The following ACACA variants were observed in gnomAD, a reference collection of about 807,000 sequenced individuals.
The protein encoded by ACACA is acetyl-CoA carboxylase 1.
A neutral mutation model predicts 296.1 loss-of-function variants in ACACA; 103 were observed. The observed-to-expected ratio is 0.35, with a 90% CI of 0.30 to 0.41. The LOEUF is 0.41. Among genes scored for constraint, ACACA ranks in the 10% least tolerant of loss-of-function variants. The pLI is 1.00. For synonymous variants in ACACA, 953 were observed against 1,038.6 expected (o/e 0.92, Z 1.58); for missense variants, 1,554 against 2,989.7 (o/e 0.52, Z 11.20).
chr17:37,146,678 C>G (rs1597968647), intron 45 of ACACA, among the ~76,000 whole-genome samples: 1 of 62,766 alleles, frequency 1.6e-5, no homozygotes, highest in Non-Finnish European at 3.1e-5. Flanking sequence ...AAGGGGGGGG[C>G]AGAGGAGGGG....
intron 15 of ACACA, among the ~76,000 whole-genome samples, chr17:37,252,673 A>T (rs542524939): frequency 1.3e-5 from 2 of 152,366 alleles, no homozygotes; most frequent in African/African-American, 4.8e-5. Context: ...CACTTCAAAT[A>T]TACCTCAGGA....
At chr17:37,248,539 T>TA (rs1416795130) in intron 17 of ACACA, 54 bp downstream of exon 17, 18 of 1,362,468 alleles carry the variant, frequency 1.3e-5, no homozygotes, top group Non-Finnish European at 1.8e-5. Context: ...CCTCTCAACC[T>TA]AAAGAAAGAT....
intron 1 of ACACA, among the ~76,000 whole-genome samples, chr17:37,404,263 C>T (rs1161103769): frequency 2.0e-5 from 3 of 152,210 alleles, no homozygotes; most frequent in Non-Finnish European, 2.9e-5. Context: ...TGACTGACCC[C>T]ACTTCCACTA....
chr17:37,220,026 A>C (rs1206081368), intron 29 of ACACA, among the ~76,000 whole-genome samples: 8 of 152,212 alleles, frequency 5.3e-5, no homozygotes, highest in Non-Finnish European at 2.9e-5. Flanking sequence ...ACTGACAACC[A>C]AGGGAGACTT....
chr17:37,338,985 AG>A (rs2048265397), intron 2 of ACACA, among the ~76,000 whole-genome samples: 1 of 151,772 alleles, frequency 6.6e-6, no homozygotes, highest in African/African-American at 2.4e-5. Flanking sequence ...GGGAGGGAAA[AG>A]GGGTAAAAGG....
intron 45 of ACACA, chr17:37,143,947 T>C: frequency 1.9e-6 from 2 of 1,057,714 alleles, no homozygotes; most frequent in South Asian, 1.3e-5. Context: ...CAAGCCAGGA[T>C]GTTCTCCTTT....
chr17:37,136,805 G>A (rs2075353586), intron 45 of ACACA, among the ~76,000 whole-genome samples: 1 of 152,132 alleles, frequency 6.6e-6, no homozygotes, highest in South Asian at 2.1e-4. Flanking sequence ...GCCGGGGCGT[G>A]GTGGCACATG....
At chr17:37,221,881 A>G in intron 28 of ACACA, 39 bp from the exon 29 acceptor site, 2 of 1,535,004 alleles carry the variant, frequency 1.3e-6, no homozygotes, top group Non-Finnish European at 1.8e-6. Flanking sequence ...AATTTCAAAA[A>G]CAGAAATTAA....
chr17:37,380,372 A>C (rs185449283), intron 1 of ACACA, among the ~76,000 whole-genome samples: 5,761 of 151,808 alleles, frequency 0.038, 159 homozygotes, highest in Non-Finnish European at 0.055. Context: ...ACATGTATAC[A>C]TATGTAACTA....
rs774538336 is a variant in ACACA at position 37,389,310 on chromosome 17, G to A, written c.38+16952C>T. ...TGGTTGTGGAGATGGCAAAAGAAGG[G>A]AGGCCAGCCACCTGGGACAGCTGAA... is the stretch of plus-strand genomic sequence containing the variant. On this transcript the variant is annotated intron_variant, in intron 1 of 55. Transcript: ENST00000616317. 11 of 1,598,488 alleles carry A rather than the reference G, an allele frequency of 6.9e-6. No individual in the cohort carries two copies. In the African/African-American group the frequency reaches 1.1e-4, roughly 16 times the overall value.
intron 37 of ACACA, 141 bp from the exon 38 acceptor site, chr17:37,191,416 C>A: frequency 1.1e-6 from 1 of 886,204 alleles, no homozygotes; most frequent in South Asian, 1.5e-5. Flanking sequence ...TCCCTAGAGT[C>A]AGTCCAGTAA....
In ACACA at chr17:37,129,503, G is replaced by A. The variant is rs760671810; in HGVS notation, c.5824-18C>T. 4 of 1,613,768 alleles carry A rather than the reference G, an allele frequency of 2.5e-6. No individual in the cohort carries two copies. Among genetic ancestry groups the A allele is most frequent in the Non-Finnish European group, 3.4e-6 (4 of 1,179,840 alleles). On this transcript the variant is annotated intron_variant, in intron 46 of 55. Coordinates refer to ENST00000616317, the MANE Select transcript of ACACA (RefSeq NM_198834.3). ...TGCACGCTCTAAAAGGAGATTGGAA[G>A]AGAGCACAGCAATCAGTGAACGACA...
At chr17:37,145,685 C>T (rs1055129213) in intron 45 of ACACA, among the ~76,000 whole-genome samples, 1 of 152,086 alleles carries the variant, frequency 6.6e-6, no homozygotes, top group Non-Finnish European at 1.5e-5. Flanking sequence ...TTCCTGTCTA[C>T]GAAATATAGC....
chr17:37,322,324 A>G (rs921320887), intron 3 of ACACA, among the ~76,000 whole-genome samples: 1 of 152,218 alleles, frequency 6.6e-6, no homozygotes. Flanking sequence ...TTGTTCTCAG[A>G]TAAAGTTGTT....
At position 37,097,141 on chromosome 17, in the gene ACACA, C is replaced by T. The variant is rs925478860; in HGVS notation, c.6746G>A (p.Arg2249His). The T allele has an allele frequency of 6.2e-7, 1 of 1,613,864 alleles. No homozygotes were observed. The highest frequency in any genetic ancestry group is 8.5e-7 in the Non-Finnish European group (1 of 1,180,024). ...ISDILDWKTS[R>H]TFFYWRLRRL... The stretch of plus-strand genomic sequence containing the variant: ...CCTCAGCCGCCAGTAGAAGAAGGTA[C>T]GGGATGTTTTCCAATCCAGGATATC... The change falls in exon 54 of 56, where the codon CGT becomes CAT. Residue 2249 changes from arginine (R) to histidine (H), a missense_variant. Around this residue, in one of 16 missense-constraint regions of ACACA, gnomAD observed 553 missense variants for 1,043.6 expected, o/e 0.53. Transcript: ENST00000616317. This position sits in a 1 kb window ranked among gnomAD's most constrained non-coding sequence, Gnocchi z 4.8.
chr17:37,338,041 G>A (rs1270029013), intron 2 of ACACA, among the ~76,000 whole-genome samples: 1 of 151,798 alleles, frequency 6.6e-6, no homozygotes, highest in Non-Finnish European at 1.5e-5. Context: ...AGCTTGCAGT[G>A]AGCAGAGATC....
rs114027378 is a variant in ACACA at position 37,229,344 on chromosome 17, C to T, written c.3247-2892G>A. Among the ~76,000 whole-genome samples the T allele has an allele frequency of 9.7e-3, 1,476 of 151,920 alleles. 21 individuals carry two copies. The highest frequency in any genetic ancestry group is 0.034 in the African/African-American group (1,404 of 41,460). ...TTTAAGACGGAGTCTCTCTCTGTTC[C>T]GCAGGCTGGAGTGCAGTGGCGCAAT... On this transcript the variant is annotated intron_variant, in intron 25 of 55. Transcript: ENST00000616317.
chr17:37,233,502 A>G (rs1272787677), intron 25 of ACACA, among the ~76,000 whole-genome samples: 1 of 152,114 alleles, frequency 6.6e-6, no homozygotes, highest in African/African-American at 2.4e-5. Context: ...AGTGCAGAAA[A>G]CTGTTAAGTT....
chr17:37,127,672 C>T (rs1308533757), intron 47 of ACACA, among the ~76,000 whole-genome samples: 2 of 151,878 alleles, frequency 1.3e-5, no homozygotes, highest in Admixed American at 6.6e-5. Flanking sequence ...GGTGAAACCC[C>T]GTCTCTACTA....
Sources: allele counts gnomAD v4.1 joint callset (sites outside exome capture counted in the v4.1 genomes callset), GRCh38; gene constraint gnomAD v4.1.1; regional missense constraint gnomAD v4.1.1; non-coding constraint Gnocchi (gnomAD v3.1); transcripts MANE v1.5; gene names NCBI Gene and HGNC (gene_info 2026-07-23, HGNC 2026-07-21).